AGFG2: variants seen among roughly 807,000 people sequenced by gnomAD.
AGFG2 encodes the protein arf-GAP domain and FG repeat-containing protein 2.
A neutral mutation model predicts 48.0 loss-of-function variants in AGFG2; 31 were observed. That is an observed-to-expected ratio of 0.65 (90% CI 0.49 to 0.87). The LOEUF (loss-of-function observed/expected upper bound fraction) is 0.87. Among genes scored for constraint, AGFG2 ranks in the 40% least tolerant of loss-of-function variants. AGFG2 has a pLI of 0.00. For synonymous variants in AGFG2, 229 were observed against 260.8 expected, an observed-to-expected ratio of 0.88 and a Z score of 1.18; for missense variants, 599 against 632.6, an observed-to-expected ratio of 0.95 and a Z score of 0.57.
chr7:100,553,249 A>T, intron 3 of AGFG2, 98 bp from the exon 4 acceptor site: 5 of 1,435,948 alleles, frequency 3.5e-6, no homozygotes, highest in Non-Finnish European at 4.8e-6. Flanking sequence ...GAGAAAAATG[A>T]GCATAGATTT....
intron 3 of AGFG2, among the ~76,000 whole-genome samples, chr7:100,551,580 A>G (rs1214007157): frequency 1.3e-5 from 2 of 151,568 alleles, no homozygotes; most frequent in East Asian, 3.9e-4. Flanking sequence ...TCAACCTCAC[A>G]TCAAAAATAT....
intron 9 of AGFG2, among the ~76,000 whole-genome samples, chr7:100,563,329 G>A (rs989833714): frequency 1.3e-5 from 2 of 152,190 alleles, no homozygotes; most frequent in Non-Finnish European, 2.9e-5. Flanking sequence ...CAGGCCTGTT[G>A]TCTTCTCTCA....
At position 100,548,733 on chromosome 7, in the gene AGFG2, A is replaced by G. The variant is rs1020579776; in HGVS notation, c.222-89A>G. 39 of 943,114 alleles carry G rather than the reference A, an allele frequency of 4.1e-5. No individual in the cohort carries two copies. The Middle Eastern group carries it at 6.3e-4, about 15-fold the overall frequency. 58.4% of individuals were successfully genotyped at this position (943,114 alleles called of 1,614,324 possible). On this transcript the variant is annotated intron_variant, in intron 1 of 11. Transcript: ENST00000300176. Reference sequence around the variant, plus strand: ...AGCTTAGTTTATATGCTATTCTTTCACCCTTTCTCCCTCCTCCTCCTCCTC... The same window carrying G: ...AGCTTAGTTTATATGCTATTCTTTCGCCCTTTCTCCCTCCTCCTCCTCCTC...
At chr7:100,564,193 C>T (rs1242246913) in intron 10 of AGFG2, 25 bp from the exon 11 acceptor site, 1 of 1,600,398 alleles carries the variant, frequency 6.2e-7, no homozygotes, top group Non-Finnish European at 8.5e-7. Flanking sequence ...CTGGTGTCAG[C>T]TGAGTGACTG....
chr7:100,546,166 C>CT (rs2131103545), intron 1 of AGFG2, among the ~76,000 whole-genome samples: 2 of 148,994 alleles, frequency 1.3e-5, no homozygotes, highest in East Asian at 4.0e-4. Context: ...TGCCGCCCCC[C>CT]CCGCCCGCCA....
chr7:100,557,614 T>C (rs1189289951), intron 6 of AGFG2, among the ~76,000 whole-genome samples: 1 of 152,120 alleles, frequency 6.6e-6, no homozygotes, highest in African/African-American at 2.4e-5. Flanking sequence ...TTTGTATTTT[T>C]AGTAGAGACG....
chr7:100,554,419 C>T (rs773144781), intron 5 of AGFG2, among the ~76,000 whole-genome samples, 161 bp downstream of exon 5: 23 of 152,192 alleles, frequency 1.5e-4, no homozygotes, highest in Non-Finnish European at 4.4e-5. Flanking sequence ...CAAATAAGTA[C>T]AGCCAGGATT....
intron 2 of AGFG2, among the ~76,000 whole-genome samples, chr7:100,550,063 G>A (rs1170793340): frequency 6.6e-6 from 1 of 152,110 alleles, no homozygotes; most frequent in Non-Finnish European, 1.5e-5. Flanking sequence ...AATCCCAGCA[G>A]TTTGGGTAGC....
chr7:100,547,155 A>G (rs1365427155), intron 1 of AGFG2, among the ~76,000 whole-genome samples: 2 of 149,928 alleles, frequency 1.3e-5, no homozygotes, highest in Non-Finnish European at 3.0e-5. Flanking sequence ...GAGTCCGCCC[A>G]CTCCCTGCCC....
At position 100,539,557 on chromosome 7, in the gene AGFG2, T is replaced by A; in HGVS notation, c.211T>A (p.Ser71Thr). The change falls in exon 1 of 12, where the codon TCC becomes ACC. Residue 71 changes from serine (S) to threonine (T), a missense_variant. Ser to Thr is a moderately conservative substitution (Grantham distance 58). Transcript: ENST00000300176. ...GGGCAGCTTCGTGTGCACCACCTGCTCCGGCCTCCTGTGAGTGACCGGGAG... is the reference window on the plus strand; with the variant it reads ...GGGCAGCTTCGTGTGCACCACCTGCACCGGCCTCCTGTGAGTGACCGGGAG... ...TVGSFVCTTC[S>T]GLLRGLNPPH... 1.7e-5 allele frequency: 17 copies of A among 1,012,848 alleles called. No homozygotes were observed. The highest frequency in any genetic ancestry group is 2.0e-5 in the Non-Finnish European group (17 of 840,258). The allele number at this position is 1,012,848 out of a possible 1,614,324, so 62.7% of individuals were successfully genotyped here.
intron 6 of AGFG2, among the ~76,000 whole-genome samples, chr7:100,558,335 A>G (rs1451457192): frequency 6.6e-6 from 1 of 152,172 alleles, no homozygotes; most frequent in Non-Finnish European, 1.5e-5. Flanking sequence ...GGCCAGTATT[A>G]TGTGGGGGAA....
At chr7:100,554,397 G>A (rs1800716411) in intron 5 of AGFG2, 139 bp downstream of exon 5, 2 of 1,106,314 alleles carry the variant, frequency 1.8e-6, no homozygotes, top group African/African-American at 3.2e-5. Flanking sequence ...GTGAGGCTGG[G>A]AGGACTGGGG....
chr7:100,539,372 C>A lies in AGFG2; in HGVS notation c.26C>A (p.Pro9Gln). ...ATGGTGATGGCGGCGAAGAAGGGCC[C>A]GGGCCCGGGCGGCGGGGTCAGCGGG... is the stretch of plus-strand genomic sequence containing the variant. MVMAAKKGPGPGGGVSGGK... is the reference protein window; with the variant it reads MVMAAKKGQGPGGGVSGGK... The change falls in exon 1 of 12, where the codon CCG (proline) becomes CAG (glutamine). Residue 9 changes from proline (P) to glutamine (Q), a missense_variant. Physicochemically the swap from Pro to Gln is moderately conservative, Grantham distance 76. Transcript: ENST00000300176. The A allele has an allele frequency of 1.6e-6, 2 of 1,277,738 alleles. No homozygotes were observed. Among genetic ancestry groups the A allele is most frequent in the Non-Finnish European group, 9.9e-7 (1 of 1,008,448 alleles). 79.2% of individuals were successfully genotyped at this position (1,277,738 alleles called of 1,614,324 possible). A position where few individuals can be genotyped will look rare whatever the true frequency, so the allele number is the denominator to read the frequency against.
chr7:100,553,601 G>A, intron 4 of AGFG2, 101 bp downstream of exon 4: 1 of 1,392,024 alleles, frequency 7.2e-7, no homozygotes, highest in Non-Finnish European at 9.7e-7. Flanking sequence ...CAACAGTGCA[G>A]GAGCTGTGAG....
At position 100,548,691 on chromosome 7, in the gene AGFG2, T is replaced by TG. The variant is rs552165566; in HGVS notation, c.222-124dup. 74 of 632,510 alleles carry TG rather than the reference T, an allele frequency of 1.2e-4. 1 individual carries two copies. The highest frequency in any genetic ancestry group is 9.1e-4 in the South Asian group (49 of 53,868). The allele number at this position is 632,510 out of a possible 1,614,324, so 39.2% of individuals were successfully genotyped here. A position where few individuals can be genotyped will look rare whatever the true frequency, so the allele number is the denominator to read the frequency against. ...CCTGGAATTAGGAAGTAGCTTCAGA[T>TG]GGGGGGGTTCTATCTGAGCTTAGTT... On this transcript the variant is annotated intron_variant, in intron 1 of 11. Transcript: ENST00000300176.
intron 1 of AGFG2, among the ~76,000 whole-genome samples, chr7:100,548,337 C>A (rs1800554505): frequency 6.6e-6 from 1 of 151,878 alleles, no homozygotes; most frequent in East Asian, 1.9e-4. Context: ...GGAGTGGGGA[C>A]AGAGTCTTGC....
At chr7:100,564,339 G>T (rs554787420) in intron 11 of AGFG2, 36 bp downstream of exon 11, 1 of 1,587,876 alleles carries the variant, frequency 6.3e-7, no homozygotes, top group East Asian at 2.3e-5. Context: ...GGTAGGGCTC[G>T]TGGGCTTTCC....
At chr7:100,539,603 G>C in intron 1 of AGFG2, 36 bp downstream of exon 1, 10 of 1,237,338 alleles carry the variant, frequency 8.1e-6, no homozygotes, top group Non-Finnish European at 1.0e-5. Context: ...AGGTCGGCGT[G>C]GGGGGACCCG....
At chr7:100,551,030 T>TTTTATATATATATATATA (rs1378400368) in intron 3 of AGFG2, among the ~76,000 whole-genome samples, 1 of 56,036 alleles carries the variant, frequency 1.8e-5, no homozygotes, top group Non-Finnish European at 2.8e-5. Context: ...CCTGGCTAAT[T>TTTTATATATATATATATA]TATATATATA....
Sources: allele counts gnomAD v4.1 joint callset (sites outside exome capture counted in the v4.1 genomes callset), GRCh38; gene constraint gnomAD v4.1.1; transcripts MANE v1.5; gene names NCBI Gene and HGNC (gene_info 2026-07-23, HGNC 2026-07-21).